SYNE1: variants seen among roughly 807,000 people sequenced by gnomAD.
SYNE1 encodes the protein spectrin repeat containing nuclear envelope protein 1, also known as nesprin-1.
Under a neutral mutation model 1,111.0 loss-of-function variants are expected in SYNE1, and 616 were observed. The observed-to-expected ratio is 0.55, with a 90% CI of 0.52 to 0.59. The LOEUF (loss-of-function observed/expected upper bound fraction) is 0.59, where lower values mean the gene tolerates loss of function less well. Ranked by LOEUF, SYNE1 falls within the 20% of genes least tolerant of loss-of-function variation. SYNE1 has a pLI of 0.00. For missense variants in SYNE1, 10,006 were observed against 10,417.0 expected (o/e 0.96, Z 1.72); for synonymous variants, 3,855 against 3,825.8 (o/e 1.01, Z -0.28).
chr6:152,522,740 T>C (rs959510930), intron 5 of SYNE1, among the ~76,000 whole-genome samples: 5 of 152,194 alleles, frequency 3.3e-5, no homozygotes, highest in Non-Finnish European at 5.9e-5. Context: ...TTTTTAATAA[T>C]GGCGATTCTT....
chr6:152,256,720 T>C lies in SYNE1; in HGVS notation c.19018A>G (p.Lys6340Glu). The change falls in exon 102 of 146, where the codon AAA becomes GAA. Residue 6340 changes from lysine (K) to glutamate (E), a missense_variant. Coordinates refer to ENST00000367255, the MANE Select transcript of SYNE1 (RefSeq NM_182961.4). ...NRLLSGVPLY[K>E]GDVPTQDKSA... Reference sequence around the variant, plus strand: ...TTATCTTGGGTTGGCACGTCCCCTTTGTACAGTGGCACACCAGACAAGAGT... The same window carrying C: ...TTATCTTGGGTTGGCACGTCCCCTTCGTACAGTGGCACACCAGACAAGAGT... 6.2e-7 allele frequency: 1 copy of C among 1,614,072 alleles called. No individual in the cohort carries two copies. The highest frequency in any genetic ancestry group is 1.1e-5 in the South Asian group (1 of 91,084).
chr6:152,314,515 G>A (rs1289281817), intron 87 of SYNE1, among the ~76,000 whole-genome samples: 1 of 152,180 alleles, frequency 6.6e-6, no homozygotes, highest in East Asian at 1.9e-4. Flanking sequence ...CAGCACCTGG[G>A]CCCTCTGTCT....
At chr6:152,318,820 A>G (rs778348554) in intron 85 of SYNE1, 43 bp downstream of exon 85, 2 of 1,611,196 alleles carry the variant, frequency 1.2e-6, no homozygotes, top group South Asian at 1.1e-5. Flanking sequence ...TCCAAAAACT[A>G]TTTAATTCAT....
At chr6:152,191,652 T>C (rs2153233578) in intron 127 of SYNE1, among the ~76,000 whole-genome samples, 2 of 152,246 alleles carry the variant, frequency 1.3e-5, no homozygotes, top group Middle Eastern at 3.4e-3. Context: ...TCTCTTTTTT[T>C]CTTAGTCTGG....
intron 3 of SYNE1, among the ~76,000 whole-genome samples, chr6:152,542,127 G>A (rs753390196): frequency 2.6e-5 from 4 of 152,270 alleles, no homozygotes; most frequent in Middle Eastern, 3.4e-3. Context: ...CCCTTTGAGG[G>A]ATGATACCCA....
At chr6:152,453,487 T>C (rs1226503365) in intron 25 of SYNE1, 99 bp downstream of exon 25, 2 of 1,582,556 alleles carry the variant, frequency 1.3e-6, no homozygotes, top group Admixed American at 1.7e-5. Context: ...ACAGTGACTT[T>C]CCAGGAATTT....
rs769115141 is a variant in SYNE1, at chr6:152,416,448, T to C, written c.5989A>G (p.Ile1997Val). The change falls in exon 41 of 146, where the codon ATT becomes GTT. Residue 1997 changes from isoleucine (I) to valine (V), a missense_variant. Physicochemically the swap from Ile to Val is conservative, Grantham distance 29. Transcript: ENST00000367255. ...KEELLKSIED[I>V]EERTDKERLK... ...CGCTCTTTGTCAGTCCTTTCTTCAA[T>C]GTCCTCAATGCTTTTCAGAAGCTCC... The C allele has an allele frequency of 2.5e-6, 4 of 1,614,202 alleles. No homozygotes were observed. The highest frequency in any genetic ancestry group is 2.5e-6 in the Non-Finnish European group (3 of 1,180,036).
chr6:152,138,442 C>T (rs538949051), intron 140 of SYNE1, among the ~76,000 whole-genome samples: 5 of 151,622 alleles, frequency 3.3e-5, no homozygotes, highest in Admixed American at 1.3e-4. Context: ...ACACAGGAGA[C>T]GGAGGTTACA....
At chr6:152,389,004 A>G (rs2154130129) in intron 53 of SYNE1, among the ~76,000 whole-genome samples, 1 of 152,282 alleles carries the variant, frequency 6.6e-6, no homozygotes, top group Admixed American at 6.5e-5. Context: ...GTGAGTTATT[A>G]CTAAGATGCA....
rs750827633 is a variant in SYNE1, at chr6:152,136,865, G to T, written c.25459-47C>A. The T allele has an allele frequency of 1.3e-5, 20 of 1,590,878 alleles. No individual in the cohort carries two copies. The South Asian group carries it at 2.2e-4, about 18-fold the overall frequency. On this transcript the variant is annotated intron_variant, in intron 140 of 145. Transcript: ENST00000367255. ...ATCAAACAAGGACAATAATGACAAAGATATTTTCCCTTGAAAATGTTTCAC... is the reference window on the plus strand; with the variant it reads ...ATCAAACAAGGACAATAATGACAAATATATTTTCCCTTGAAAATGTTTCAC...
intron 27 of SYNE1, 73 bp downstream of exon 27, chr6:152,450,552 G>T: frequency 8.0e-7 from 1 of 1,256,492 alleles, no homozygotes; most frequent in Non-Finnish European, 1.2e-6. Flanking sequence ...GTTATTTCTT[G>T]TTTTGTCATG....
intron 127 of SYNE1, among the ~76,000 whole-genome samples, chr6:152,200,584 T>C (rs2075215715): frequency 6.6e-6 from 1 of 152,166 alleles, no homozygotes; most frequent in Non-Finnish European, 1.5e-5. Context: ...TCTTTAGATA[T>C]GGAGTCTTGC....
intron 127 of SYNE1, among the ~76,000 whole-genome samples, chr6:152,200,103 AT>A (rs1261718589): frequency 6.6e-6 from 1 of 152,194 alleles, no homozygotes; most frequent in Non-Finnish European, 1.5e-5. Flanking sequence ...TTGTATATGG[AT>A]TTAACAAAAG....
chr6:152,367,446 G>T (rs1436001244), intron 61 of SYNE1, 64 bp from the exon 62 acceptor site: 3 of 1,594,316 alleles, frequency 1.9e-6, no homozygotes, highest in Non-Finnish European at 2.6e-6. Flanking sequence ...AAAGCTAACA[G>T]TTTGTTTGAA....
intron 131 of SYNE1, among the ~76,000 whole-genome samples, chr6:152,160,531 C>A (rs1409458074): frequency 6.6e-6 from 1 of 152,136 alleles, no homozygotes; most frequent in African/African-American, 2.4e-5. Context: ...CATTTCCCCT[C>A]TTGCTTTAGT....
rs1195986651 is a variant in SYNE1, at chr6:152,336,932, A to G, written c.12437T>C (p.Leu4146Pro). The change falls in exon 76 of 146, where the codon CTG becomes CCG. Residue 4146 changes from leucine to proline, a missense_variant. Transcript: ENST00000367255. ...CTGCAGTTGCTGATCAGCATCTTGC[A>G]GGTAAATCCAGAGCTCAGACTTCAG... ...KHLKSELWIY[L>P]QDADQQLQNM... 1.9e-6 allele frequency: 3 copies of G among 1,614,170 alleles called. No individual in the cohort carries two copies. The highest frequency in any genetic ancestry group is 2.5e-6 in the Non-Finnish European group (3 of 1,180,038).
chr6:152,597,936 A>G (rs1422754693), intron 3 of SYNE1, among the ~76,000 whole-genome samples: 1 of 152,172 alleles, frequency 6.6e-6, no homozygotes, highest in East Asian at 1.9e-4. Flanking sequence ...CTAGGAATTG[A>G]TCCACGAGCT....
intron 65 of SYNE1, 129 bp from the exon 66 acceptor site, chr6:152,358,666 A>G (rs1282394026): frequency 7.0e-6 from 6 of 853,908 alleles, no homozygotes; most frequent in South Asian, 1.6e-5. Context: ...GTTATTTCCT[A>G]GAATCATGAA....
chr6:152,211,005 C>T (rs1318294254), intron 124 of SYNE1, among the ~76,000 whole-genome samples: 1 of 152,156 alleles, frequency 6.6e-6, no homozygotes, highest in East Asian at 1.9e-4. Flanking sequence ...CAGACATGAG[C>T]TCCAGGCCTG....
Sources: allele counts gnomAD v4.1 joint callset (sites outside exome capture counted in the v4.1 genomes callset), GRCh38; gene constraint gnomAD v4.1.1; transcripts MANE v1.5; gene names NCBI Gene and HGNC (gene_info 2026-07-23, HGNC 2026-07-21).